The following KCNMB2 variants were observed in gnomAD, a reference collection of about 807,000 sequenced individuals.
KCNMB2 encodes the protein potassium calcium-activated channel subfamily M regulatory beta subunit 2.
Under a neutral mutation model 24.5 loss-of-function variants are expected in KCNMB2, and 9 were observed. That is an observed-to-expected ratio of 0.37 (90% CI 0.22 to 0.64). The LOEUF (loss-of-function observed/expected upper bound fraction) is 0.64, where lower values mean the gene tolerates loss of function less well. Among genes scored for constraint, KCNMB2 ranks in the 30% least tolerant of loss-of-function variants. KCNMB2 has a pLI of 0.63. For synonymous variants in KCNMB2, 109 were observed against 104.4 expected (o/e 1.04, Z -0.27); for missense variants, 226 against 284.3 (o/e 0.79, Z 1.47).
At chr3:178,622,916 C>G (rs1718975044) in intron 1 of KCNMB2, among the ~76,000 whole-genome samples, 1 of 152,122 alleles carries the variant, frequency 6.6e-6, no homozygotes, top group South Asian at 2.1e-4. Flanking sequence ...AAGTTTCAAG[C>G]CCAGTTAACC....
chr3:178,721,605 G>A (rs1722808538), intron 1 of KCNMB2, among the ~76,000 whole-genome samples: 2 of 152,276 alleles, frequency 1.3e-5, no homozygotes, highest in South Asian at 4.1e-4. Context: ...CGCAATTACT[G>A]GGTTCATGTC....
intron 3 of KCNMB2, among the ~76,000 whole-genome samples, chr3:178,826,325 G>A (rs1714832005): frequency 6.6e-6 from 1 of 152,198 alleles, no homozygotes; most frequent in Non-Finnish European, 1.5e-5. Context: ...TTGGTCCGGA[G>A]TGGGACCCAG....
At chr3:178,801,519 T>A (rs1434315073) in intron 1 of KCNMB2, among the ~76,000 whole-genome samples, 4 of 152,204 alleles carry the variant, frequency 2.6e-5, no homozygotes, top group African/African-American at 9.7e-5. Flanking sequence ...TTTTTCATTC[T>A]TGTTATGAAG....
chr3:178,781,618 C>A (rs1470055659), intron 1 of KCNMB2, among the ~76,000 whole-genome samples: 1 of 150,554 alleles, frequency 6.6e-6, no homozygotes, highest in Non-Finnish European at 1.5e-5. Context: ...TATATATATA[C>A]ACATATATAT....
chr3:178,621,189 A>G (rs1718908768), intron 1 of KCNMB2, among the ~76,000 whole-genome samples: 1 of 152,216 alleles, frequency 6.6e-6, no homozygotes, highest in South Asian at 2.1e-4. Context: ...CTGAATTCAC[A>G]TGATAGCAGT....
At chr3:178,712,584 A>G (rs1238023640) in intron 1 of KCNMB2, among the ~76,000 whole-genome samples, 3 of 152,186 alleles carry the variant, frequency 2.0e-5, no homozygotes, top group Non-Finnish European at 4.4e-5. Flanking sequence ...GCACTGCAAT[A>G]TTAGGTGTTG....
chr3:178,838,184 A>G (rs1463166663), intron 4 of KCNMB2, among the ~76,000 whole-genome samples: 1 of 152,204 alleles, frequency 6.6e-6, no homozygotes, highest in Admixed American at 6.5e-5. Flanking sequence ...CCATTTTTGA[A>G]GGACAAAAAT....
chr3:178,656,085 G>A (rs1399754496), intron 1 of KCNMB2, among the ~76,000 whole-genome samples: 1 of 152,098 alleles, frequency 6.6e-6, no homozygotes, highest in Non-Finnish European at 1.5e-5. Context: ...ATGTAATTAA[G>A]ACGTAAACAT....
At chr3:178,559,284 T>A (rs1255559969) in intron 1 of KCNMB2, among the ~76,000 whole-genome samples, 3 of 152,176 alleles carry the variant, frequency 2.0e-5, no homozygotes, top group Admixed American at 6.5e-5. Context: ...TTATTCTTGA[T>A]TCTAGTGCAT....
intron 2 of KCNMB2, among the ~76,000 whole-genome samples, chr3:178,813,662 C>CT (rs755998189): frequency 6.6e-6 from 1 of 152,110 alleles, no homozygotes; most frequent in African/African-American, 2.4e-5. Flanking sequence ...TAGAGCAAAT[C>CT]AATTATGATT....
At chr3:178,652,927 T>G (rs1478584350) in intron 1 of KCNMB2, among the ~76,000 whole-genome samples, 4 of 152,142 alleles carry the variant, frequency 2.6e-5, no homozygotes, top group African/African-American at 7.2e-5. Flanking sequence ...CCTCCCAAAG[T>G]GCTGAGATTA....
At chr3:178,721,817 C>T (rs963247676) in intron 1 of KCNMB2, among the ~76,000 whole-genome samples, 2 of 152,178 alleles carry the variant, frequency 1.3e-5, no homozygotes, top group Non-Finnish European at 2.9e-5. Context: ...ACTCACACTT[C>T]CCAAATAGCT....
At chr3:178,655,209 A>G (rs956632603) in intron 1 of KCNMB2, among the ~76,000 whole-genome samples, 8 of 151,936 alleles carry the variant, frequency 5.3e-5, no homozygotes, top group African/African-American at 1.9e-4. Context: ...TGTCCAAGAA[A>G]AGAAAATCTT....
intron 1 of KCNMB2, among the ~76,000 whole-genome samples, chr3:178,636,463 T>C (rs1577064359): frequency 1.3e-5 from 2 of 149,952 alleles, no homozygotes; most frequent in Non-Finnish European, 2.9e-5. Flanking sequence ...AGATGAATTA[T>C]GTTTTTCACG....
Position 178,825,747 on chromosome 3 carries a change from A to G in KCNMB2, c.216A>G (p.Ser72=), listed in dbSNP as rs150295873. ...YFLLGITLLR[S]YMQSVWTEES... ...TGCTGGGAATCACACTCCTGCGCTCATACATGCAGAGGTAATACCACTGGG... is the reference window on the plus strand; with the variant it reads ...TGCTGGGAATCACACTCCTGCGCTCGTACATGCAGAGGTAATACCACTGGG... The change falls in exon 3 of 5, where the codon TCA becomes TCG. Residue 72 remains serine, a synonymous_variant. Coordinates refer to ENST00000452583, the MANE Select transcript of KCNMB2 (RefSeq NM_181361.3). The G allele has an allele frequency of 2.0e-4, 315 of 1,611,714 alleles. No individual in the cohort carries two copies. In the East Asian group the frequency reaches 6.0e-3, roughly 31 times the overall value.
At position 178,701,365 on chromosome 3, in the gene KCNMB2, T is replaced by C. The variant is rs1328409622; in HGVS notation, c.-67-105978T>C. Reference sequence around the variant, plus strand: ...TGCTGTTTTGGTTACTGTAGCCTTGTAGTATAGTTTGAAGTCAGGTAGCCT... The same window carrying C: ...TGCTGTTTTGGTTACTGTAGCCTTGCAGTATAGTTTGAAGTCAGGTAGCCT... On this transcript the variant is annotated intron_variant, in intron 1 of 4. Transcript: ENST00000452583. 9.2e-5 allele frequency among the ~76,000 whole-genome samples: 14 copies of C among 152,312 alleles called. No homozygotes were observed. The East Asian group carries it at 2.7e-3, about 29-fold the overall frequency.
chr3:178,703,756 G>A (rs966682167), intron 1 of KCNMB2, among the ~76,000 whole-genome samples: 15 of 152,174 alleles, frequency 9.9e-5, no homozygotes, highest in Non-Finnish European at 1.6e-4. Context: ...TTACATGGGT[G>A]TGTTTATCTT....
intron 1 of KCNMB2, among the ~76,000 whole-genome samples, chr3:178,592,150 A>G (rs1416856476): frequency 6.6e-6 from 1 of 152,120 alleles, no homozygotes; most frequent in Admixed American, 6.6e-5. Flanking sequence ...ATTACTGGCA[A>G]TATTTATGGA....
intron 1 of KCNMB2, among the ~76,000 whole-genome samples, chr3:178,626,229 C>G (rs1281727860): frequency 1.3e-5 from 2 of 152,166 alleles, no homozygotes; most frequent in African/African-American, 4.8e-5. Context: ...ATCTGAACAC[C>G]AGTACTGTCA....
Sources: allele counts gnomAD v4.1 joint callset (sites outside exome capture counted in the v4.1 genomes callset), GRCh38; gene constraint gnomAD v4.1.1; transcripts MANE v1.5; gene names NCBI Gene and HGNC (gene_info 2026-07-23, HGNC 2026-07-21).